The following USP9X variants were observed in gnomAD, a reference collection of about 807,000 sequenced individuals.
USP9X encodes the protein ubiquitin specific peptidase 9 X-linked.
In USP9X, 7 loss-of-function variants were observed where a neutral mutation model predicts 190.3. The ratio of observed to expected loss-of-function variants is 0.04; its 90% CI spans 0.02 to 0.07. USP9X has a LOEUF of 0.07. Among genes scored for constraint, USP9X ranks in the 10% least tolerant of loss-of-function variants. The pLI is 1.00. For synonymous variants in USP9X, 645 were observed against 659.5 expected (o/e 0.98, Z 0.34); for missense variants, 1,010 against 1,916.9 (o/e 0.53, Z 8.83).
chrX:41,146,741 G>T (rs2062468684), intron 11 of USP9X, among the ~76,000 whole-genome samples: 1 of 66,602 alleles, frequency 1.5e-5, no homozygotes, highest in South Asian at 8.0e-4. Flanking sequence ...ATATTTTTTG[G>T]ATTGTAGTTC....
In USP9X at chrX:41,185,663, T is replaced by A. The variant is rs186929024; in HGVS notation, c.3559-854T>A. ...ATCTTTGTTAGGATTTTTTTTTTTT[T>A]AAAGTAGTTCTTATTAGGTAAGTAA... On this transcript the variant is annotated intron_variant, in intron 23 of 44. Transcript: ENST00000378308. Among the ~76,000 whole-genome samples the A allele has an allele frequency of 1.6e-4, 18 of 110,950 alleles. No homozygotes were observed. In the East Asian group the frequency reaches 4.8e-3, roughly 29 times the overall value.
At chrX:41,113,498 C>A (rs2062124678) in intron 1 of USP9X, among the ~76,000 whole-genome samples, 1 of 111,519 alleles carries the variant, frequency 9.0e-6, no homozygotes, top group Non-Finnish European at 1.9e-5. Context: ...CGCGCCTGGC[C>A]AAAAATAAGT....
chrX:41,186,639 T>C lies in USP9X; in HGVS notation c.3681T>C (p.Asp1227=). The change falls in exon 24 of 45, where the codon GAT becomes GAC. Residue 1227 remains aspartate (D), a synonymous_variant. Transcript: ENST00000378308. ...TTCGTCTTGCTCAGCAGATATCTGA[T>C]GAGGTTAGTTTTATCAAGACTTCTG... ...VSVRLAQQIS[D]EASRYMPDIC... 5.0e-6 allele frequency: 6 copies of C among 1,210,415 alleles called. No homozygotes were observed. Among genetic ancestry groups the C allele is most frequent in the Non-Finnish European group, 6.7e-6 (6 of 894,823 alleles).
chrX:41,226,222 T>C (rs760715887), intron 41 of USP9X, among the ~76,000 whole-genome samples: 7 of 112,270 alleles, frequency 6.2e-5, no homozygotes, highest in Admixed American at 3.8e-4. Context: ...TTAACTTTTT[T>C]CCCCCGTAAA....
intron 15 of USP9X, among the ~76,000 whole-genome samples, chrX:41,165,637 A>G (rs1601990773): frequency 8.9e-6 from 1 of 112,023 alleles, no homozygotes; most frequent in African/African-American, 3.2e-5. Context: ...AGCTAGCTGC[A>G]TTTCAGGCAC....
At chrX:41,123,858 C>T (rs2062211706) in intron 2 of USP9X, 134 bp downstream of exon 2, 2 of 547,591 alleles carry the variant, frequency 3.7e-6, no homozygotes, top group Non-Finnish European at 2.9e-6. Flanking sequence ...GCCTGGTCAA[C>T]AGGGTGGAAC....
At chrX:41,119,722 C>T (rs79362020) in intron 1 of USP9X, among the ~76,000 whole-genome samples, 23,563 of 111,896 alleles carry the variant, frequency 0.21, 2,250 homozygotes, top group Non-Finnish European at 0.3. Flanking sequence ...CCCAGCTACT[C>T]GGGAGGCTGA....
intron 1 of USP9X, among the ~76,000 whole-genome samples, chrX:41,122,143 T>A (rs1335830001): frequency 9.0e-6 from 1 of 110,671 alleles, no homozygotes; most frequent in African/African-American, 3.3e-5. Flanking sequence ...GCGGGGATCT[T>A]AACAGAAATT....
chrX:41,086,501 C>T (rs1299018371), intron 1 of USP9X, among the ~76,000 whole-genome samples: 1 of 112,523 alleles, frequency 8.9e-6, no homozygotes, highest in African/African-American at 3.2e-5. Context: ...GCCCCCCGCC[C>T]GGCGGCCGCT....
chrX:41,139,373 G>T (rs1297439368), intron 6 of USP9X, among the ~76,000 whole-genome samples: 1 of 112,297 alleles, frequency 8.9e-6, no homozygotes, highest in Non-Finnish European at 1.9e-5. Flanking sequence ...ATAAAAACTA[G>T]CAGTAGGCCA....
At chrX:41,225,555 G>A (rs1222239919) in intron 41 of USP9X, among the ~76,000 whole-genome samples, 1 of 111,965 alleles carries the variant, frequency 8.9e-6, no homozygotes, top group African/African-American at 3.2e-5. Flanking sequence ...AGGTAAGTAC[G>A]GTTTCCATTT....
chrX:41,192,220 T>C (rs1322104431), intron 26 of USP9X, among the ~76,000 whole-genome samples: 5 of 112,150 alleles, frequency 4.5e-5, no homozygotes, highest in Non-Finnish European at 9.4e-5. Flanking sequence ...ATTTGGCTTA[T>C]AAGCACTCCA....
rs1454929314 is a variant in USP9X at position 41,223,474 on chromosome X, G to A, written c.6751+72G>A. The A allele has an allele frequency of 3.6e-6, 4 of 1,105,815 alleles. No homozygotes were observed. In the East Asian group the frequency reaches 9.1e-5, roughly 25 times the overall value. 91.1% of individuals were successfully genotyped at this position (1,105,815 alleles called of 1,213,427 possible). On this transcript the variant is annotated intron_variant, in intron 39 of 44. Coordinates refer to ENST00000378308, the MANE Select transcript of USP9X (RefSeq NM_001039591.3). ...TGTTTTGAGACAGAGTTTTGCTGTT[G>A]TTGCCCAGGCTGGAGTGCAATGGCG...
chrX:41,134,978 T>C, intron 5 of USP9X, 141 bp downstream of exon 5: 3 of 415,578 alleles, frequency 7.2e-6, no homozygotes, highest in Middle Eastern at 7.8e-4. Context: ...AACTTAAAAA[T>C]GTTTATAAAT....
chrX:41,225,172 C>T (rs1239762331), intron 41 of USP9X, 35 bp downstream of exon 41: 1 of 1,166,824 alleles, frequency 8.6e-7, no homozygotes. Context: ...AACAATTAGG[C>T]TTGCCCAGGT....
intron 1 of USP9X, among the ~76,000 whole-genome samples, chrX:41,102,124 T>C (rs891789295): frequency 8.0e-5 from 9 of 111,971 alleles, no homozygotes; most frequent in Non-Finnish European, 1.7e-4. Flanking sequence ...ACACTTTAAA[T>C]GGACGATTTG....
chrX:41,127,833 G>A (rs1209550743), intron 2 of USP9X, among the ~76,000 whole-genome samples: 3 of 112,317 alleles, frequency 2.7e-5, no homozygotes, highest in Non-Finnish European at 3.8e-5. Context: ...ATGATAAGGC[G>A]AGGGGCCCGT....
intron 21 of USP9X, among the ~76,000 whole-genome samples, chrX:41,174,204 C>T (rs2062753269): frequency 8.9e-6 from 1 of 111,909 alleles, no homozygotes; most frequent in South Asian, 3.7e-4. Context: ...TTTCTCAGAA[C>T]ATATGCAACA....
At chrX:41,105,396 A>G (rs1164951366) in intron 1 of USP9X, among the ~76,000 whole-genome samples, 1 of 112,323 alleles carries the variant, frequency 8.9e-6, no homozygotes, top group Non-Finnish European at 1.9e-5. Context: ...AAGTGGAATC[A>G]TAAAATATTT....
Sources: allele counts gnomAD v4.1 joint callset (sites outside exome capture counted in the v4.1 genomes callset), GRCh38; gene constraint gnomAD v4.1.1; transcripts MANE v1.5; gene names NCBI Gene and HGNC (gene_info 2026-07-23, HGNC 2026-07-21).